BLTP1: variants seen among roughly 807,000 people sequenced by gnomAD.
BLTP1 encodes fragile site-associated protein.
chr4:122,321,429 C>T, the BLTP1 span, among the ~76,000 whole-genome samples: 1 of 150,528 alleles, frequency 6.6e-6, no homozygotes, highest in Non-Finnish European at 1.5e-5. Context: ...TATACACACA[C>T]ATATATACAC....
the BLTP1 span, among the ~76,000 whole-genome samples, chr4:122,180,484 C>A: frequency 6.6e-6 from 1 of 152,140 alleles, no homozygotes; most frequent in Non-Finnish European, 1.5e-5. Flanking sequence ...GCACTCTATG[C>A]ACATAATTTT....
At chr4:122,275,861 G>A in the BLTP1 span, 1 of 1,230,880 alleles carries the variant, frequency 8.1e-7, no homozygotes, top group African/African-American at 1.6e-5. Flanking sequence ...TTTAAGAGTG[G>A]GAAATTAGAA....
chr4:122,315,291 A>G, the BLTP1 span: 6 of 410,452 alleles, frequency 1.5e-5, no homozygotes, highest in South Asian at 6.0e-4. Flanking sequence ...TACAGAGGAA[A>G]CAGTAGATGC....
the BLTP1 span, chr4:122,316,956 A>G: frequency 3.6e-6 from 3 of 831,102 alleles, no homozygotes; most frequent in Non-Finnish European, 5.4e-6. Context: ...GTCTAATACA[A>G]ACTCTTTAGT....
the BLTP1 span, chr4:122,189,517 G>C: frequency 1.2e-6 from 1 of 834,784 alleles, no homozygotes; most frequent in Non-Finnish European, 1.4e-6. Context: ...TAATGTTTTT[G>C]AATGATTATA....
At chr4:122,330,915 A>C in the BLTP1 span, 30 of 798,490 alleles carry the variant, frequency 3.8e-5, no homozygotes, top group Non-Finnish European at 4.5e-5. Context: ...ATTTTTTTTG[A>C]TGTGGATATC....
the BLTP1 span, chr4:122,224,801 G>A: frequency 3.8e-6 from 6 of 1,571,280 alleles, no homozygotes; most frequent in African/African-American, 6.7e-5. Context: ...CATTCTGATG[G>A]GAGTCATTCT....
chr4:122,310,920 A>G, the BLTP1 span: 1 of 942,686 alleles, frequency 1.1e-6, no homozygotes, highest in Non-Finnish European at 1.3e-6. Flanking sequence ...AAAGACCAGT[A>G]TCAGCCTACA....
At chr4:122,248,125 T>G in the BLTP1 span, 12 of 984,726 alleles carry the variant, frequency 1.2e-5, no homozygotes, top group Admixed American at 6.8e-4. Context: ...TCAAGGCTTA[T>G]TTTTTTCATC....
At chr4:122,276,991 G>A in the BLTP1 span, 1 of 980,970 alleles carries the variant, frequency 1.0e-6, no homozygotes, top group African/African-American at 1.8e-5. Flanking sequence ...TATGTAAACT[G>A]GCCTGTAATT....
the BLTP1 span, among the ~76,000 whole-genome samples, chr4:122,168,217 T>A: frequency 6.6e-6 from 1 of 152,222 alleles, no homozygotes; most frequent in African/African-American, 2.4e-5. Context: ...TACTGTAGGG[T>A]TTCTGTCTTT....
chr4:122,224,805 T>G, the BLTP1 span: 2 of 1,565,898 alleles, frequency 1.3e-6, no homozygotes, highest in Non-Finnish European at 1.7e-6. Context: ...CTGATGGGAG[T>G]CATTCTTGCC....
the BLTP1 span, chr4:122,346,933 G>GCTA: frequency 1.2e-6 from 1 of 858,510 alleles, no homozygotes; most frequent in Non-Finnish European, 1.4e-6. Context: ...TAGCACTGAG[G>GCTA]ATATATCAGA....
At chr4:122,283,016 ACTTTTT>A in the BLTP1 span, among the ~76,000 whole-genome samples, 2 of 152,004 alleles carry the variant, frequency 1.3e-5, no homozygotes, top group Admixed American at 1.3e-4. Context: ...TTATCATTTA[ACTTTTT>A]CTTTTGATCA....
the BLTP1 span, chr4:122,224,834 A>G: frequency 2.0e-6 from 3 of 1,534,872 alleles, no homozygotes; most frequent in African/African-American, 4.1e-5. Flanking sequence ...TTTTAGTTAT[A>G]GGTGAATCAG....
the BLTP1 span, among the ~76,000 whole-genome samples, chr4:122,299,560 AAAT>A: frequency 6.6e-6 from 1 of 152,200 alleles, no homozygotes; most frequent in Non-Finnish European, 1.5e-5. Flanking sequence ...TGAGATTTCC[AAAT>A]AATAATGGCA....
At chr4:122,305,176 G>A in the BLTP1 span, 1 of 981,452 alleles carries the variant, frequency 1.0e-6, no homozygotes, top group Non-Finnish European at 1.2e-6. Flanking sequence ...TATTGTTATA[G>A]TTTAGTGCAG....
the BLTP1 span, among the ~76,000 whole-genome samples, chr4:122,295,145 C>T: frequency 2.6e-5 from 4 of 151,992 alleles, no homozygotes; most frequent in African/African-American, 9.7e-5. Context: ...GATTGGGGTA[C>T]CTGAAAGAGA....
the BLTP1 span, among the ~76,000 whole-genome samples, chr4:122,267,888 C>T: frequency 6.6e-6 from 1 of 152,052 alleles, no homozygotes; most frequent in Non-Finnish European, 1.5e-5. Flanking sequence ...CAAGAGGTTT[C>T]TGTAGTATTG....
Sources: allele counts gnomAD v4.1 joint callset (sites outside exome capture counted in the v4.1 genomes callset), GRCh38; gene constraint gnomAD v4.1.1; transcripts MANE v1.5; gene names NCBI Gene and HGNC (gene_info 2026-07-23, HGNC 2026-07-21).